The following LAMA5 variants were observed in gnomAD, a reference collection of about 807,000 sequenced individuals.
LAMA5 encodes the protein laminin subunit alpha-5.
LAMA5 carries 260 observed loss-of-function variants against 433.4 expected under a neutral mutation model. The ratio of observed to expected loss-of-function variants is 0.60; its 90% CI spans 0.54 to 0.66. LAMA5 has a LOEUF of 0.66. Ranked by LOEUF, LAMA5 falls within the 30% of genes least tolerant of loss-of-function variation. LAMA5 has a pLI of 0.00. For synonymous variants in LAMA5, 2,620 were observed against 2,226.6 expected, an observed-to-expected ratio of 1.18 and a Z score of -4.97; for missense variants, 5,378 against 5,258.5, an observed-to-expected ratio of 1.02 and a Z score of -0.70.
Position 62,316,963 on chromosome 20 carries a change from G to T in LAMA5, c.7572C>A (p.Ala2524=). 6.4e-7 allele frequency: 1 copy of T among 1,567,834 alleles called. No individual in the cohort carries two copies. The highest frequency in any genetic ancestry group is 1.2e-5 in the South Asian group (1 of 86,722). Residue 2524 remains alanine (A), a synonymous_variant, in exon 56 of 80, where the codon GCC becomes GCA. Transcript: ENST00000252999. ...LTQRAIEASN[A]YSRILQAVQA... ...GCACGGCCTGCAGGATGCGGCTGTA[G>T]GCGTTGGAGGCCTCGATGGCCCTCT...
rs1413114571 is a variant in LAMA5, at chr20:62,319,698, T to C, written c.6857A>G (p.Asp2286Gly). ...CTGGCCCCTACCGCTCAGGGTGCGG[T>C]CCACAGCCCGGATGGCCGCCAACAG... ...KTLLAAIRAV[D>G]RTLSELMSQT... The change falls in exon 51 of 80, where the codon GAC becomes GGC. Residue 2286 changes from aspartate to glycine, a missense_variant. Transcript: ENST00000252999. 2 of 1,543,562 alleles carry C rather than the reference T, an allele frequency of 1.3e-6. No homozygotes were observed. The highest frequency in any genetic ancestry group is 8.7e-7 in the Non-Finnish European group (1 of 1,146,184).
intron 60 of LAMA5, 26 bp from the exon 61 acceptor site, chr20:62,314,751 C>T (rs778159809): frequency 1.9e-6 from 3 of 1,612,486 alleles, no homozygotes; most frequent in South Asian, 1.1e-5. Context: ...CATCAGCGTC[C>T]ACCACCACCC....
chr20:62,339,129 G>A (rs977700640), intron 11 of LAMA5, among the ~76,000 whole-genome samples: 1 of 151,344 alleles, frequency 6.6e-6, no homozygotes, highest in Non-Finnish European at 1.5e-5. Flanking sequence ...CGCTTCATTA[G>A]TTATTTCTTA....
At chr20:62,336,988 T>A (rs1487327671) in intron 16 of LAMA5, 2 of 693,364 alleles carry the variant, frequency 2.9e-6, no homozygotes, top group African/African-American at 3.5e-5. Flanking sequence ...ACACAGCACC[T>A]GCTCATGGAC....
In LAMA5 at chr20:62,313,093, G is replaced by T; in HGVS notation, c.8950C>A (p.Gln2984Lys). The change falls in exon 65 of 80, where the codon CAG becomes AAG. Residue 2984 changes from glutamine (Q) to lysine (K), a missense_variant. Coordinates refer to ENST00000252999, the MANE Select transcript of LAMA5 (RefSeq NM_005560.6). ...GACGGGTGTGCCTGGCGCACCTGCT[G>T]CTTCAGGAAGAAGAGCACCCCGCTG... ...SYSGVLFFLK[Q>K]QSQFLCLAVQ... is the part of the protein sequence containing the mutation. 6.2e-7 allele frequency: 1 copy of T among 1,609,492 alleles called. No individual in the cohort carries two copies.
At chr20:62,337,266 C>CCACTTACGTGACACAGGCACCCA in intron 16 of LAMA5, among the ~76,000 whole-genome samples, 1 of 152,306 alleles carries the variant, frequency 6.6e-6, no homozygotes, top group African/African-American at 2.4e-5. Flanking sequence ...ACACACAAAC[C>CCACTTACGTGACACAGGCACCCA]CACTTACGTG....
At chr20:62,362,362 A>T in intron 2 of LAMA5, 38 bp downstream of exon 2, 1 of 1,434,084 alleles carries the variant, frequency 7.0e-7, no homozygotes, top group Non-Finnish European at 9.2e-7. Flanking sequence ...GCACAGACAC[A>T]GAGATGGGGG....
At position 62,337,871 on chromosome 20, in the gene LAMA5, G is replaced by A. The variant is rs1981948649; in HGVS notation, c.1959C>T (p.Arg653=). ...GGCAGGCAGTGCCTGTGTAGCCGGG[G>A]CGGCAGCGGCACAAACCTCCCGCCC... ...LCGAGGLCRC[R]PGYTGTACQE... The change falls in exon 15 of 80, where the codon CGC becomes CGT. Residue 653 remains arginine (R), a synonymous_variant. Coordinates refer to ENST00000252999, the MANE Select transcript of LAMA5 (RefSeq NM_005560.6). The A allele has an allele frequency of 6.2e-7, 1 of 1,612,606 alleles. No homozygotes were observed. The highest frequency in any genetic ancestry group is 1.3e-5 in the African/African-American group (1 of 75,058).
rs1028992826 is a variant in LAMA5, at chr20:62,347,096, C to T, written c.957-68G>A. 9.4e-6 allele frequency: 11 copies of T among 1,166,162 alleles called. No individual in the cohort carries two copies. The African/African-American group carries it at 1.3e-4, about 14-fold the overall frequency. 72.2% of individuals were successfully genotyped at this position (1,166,162 alleles called of 1,614,324 possible). ...CAGGTGGCAGGTGCTCAGTCCCTTC[C>T]CTGAAGGGGCCTGTGATCCCCTCGA... On this transcript the variant is annotated intron_variant, in intron 6 of 79. Coordinates refer to ENST00000252999, the MANE Select transcript of LAMA5 (RefSeq NM_005560.6).
Position 62,330,913 on chromosome 20 carries a change from G to A in LAMA5, c.3682C>T (p.Pro1228Ser). 1.9e-6 allele frequency: 3 copies of A among 1,549,038 alleles called. No homozygotes were observed. Among genetic ancestry groups the A allele is most frequent in the Non-Finnish European group, 2.6e-6 (3 of 1,146,654 alleles). The change falls in exon 30 of 80, where the codon CCG (proline) becomes TCG (serine). Residue 1228 changes from proline (P) to serine (S), a missense_variant. Transcript: ENST00000252999. The part of the protein sequence containing the change: ...AACLPSRFPK[P>S]PQPIILRDCQ... ...TCCCTGAGGATGATGGGCTGGGGCG[G>A]CTTTGGGAAGCGCGAGGGCAGACAG...
intron 9 of LAMA5, 93 bp from the exon 10 acceptor site, chr20:62,346,308 C>A: frequency 1.3e-6 from 2 of 1,486,616 alleles, no homozygotes. Context: ...CCAGCCAGGG[C>A]CATGGGGATG....
At position 62,338,030 on chromosome 20, in the gene LAMA5, A is replaced by G. The variant is rs1981975213; in HGVS notation, c.1877T>C (p.Phe626Ser). ...CDRCRPGYHGFPNCQACTCDP... is the reference protein window; with the variant it reads ...CDRCRPGYHGSPNCQACTCDP... ...CCTCTGCTCACCTTGGCAGTTGGGG[A>G]AACCATGGTAGCCAGGGCGGCACCG... The change falls in exon 14 of 80, where the codon TTC (phenylalanine) becomes TCC (serine). Residue 626 changes from phenylalanine (F) to serine (S), a missense_variant. Coordinates refer to ENST00000252999, the MANE Select transcript of LAMA5 (RefSeq NM_005560.6). 1 of 1,598,542 alleles carries G rather than the reference A, an allele frequency of 6.3e-7. No individual in the cohort carries two copies. The highest frequency in any genetic ancestry group is 8.5e-7 in the Non-Finnish European group (1 of 1,170,618).
intron 6 of LAMA5, among the ~76,000 whole-genome samples, chr20:62,347,352 G>A (rs548235423): frequency 6.6e-6 from 1 of 152,196 alleles, no homozygotes; most frequent in African/African-American, 2.4e-5. Context: ...CTAGGACAGG[G>A]CACCTCAGGG....
In LAMA5 at chr20:62,312,586, G is replaced by A. The variant is rs374148138; in HGVS notation, c.9227+46C>T. On this transcript the variant is annotated intron_variant, in intron 67 of 79. Transcript: ENST00000252999. ...GCGCCACCTCCAAGCCCAGCCTACCGCCCCAACAGCCTGGCCTCGGAGCCC... is the reference window on the plus strand; with the variant it reads ...GCGCCACCTCCAAGCCCAGCCTACCACCCCAACAGCCTGGCCTCGGAGCCC... 1,140 of 1,598,722 alleles carry A rather than the reference G, an allele frequency of 7.1e-4. 1 individual carries two copies. The highest frequency in any genetic ancestry group is 8.6e-4 in the Non-Finnish European group (1,012 of 1,176,730).
At position 62,335,225 on chromosome 20, in the gene LAMA5, A is replaced by G; in HGVS notation, c.2368T>C (p.Cys790Arg). Residue 790 changes from cysteine to arginine, a missense_variant, in exon 19 of 80, where the codon TGC becomes CGC. Cys to Arg is a radical substitution (Grantham distance 180). Transcript: ENST00000252999. ...LRGTLGGVAE[C>R]QPGTGQCFCK... ...TTGGTCCTCAGACTCACCGGCTGGC[A>G]CTCAGCAACTCCACCCAGTGTGCCC... 1 of 1,612,670 alleles carries G rather than the reference A, an allele frequency of 6.2e-7. No individual in the cohort carries two copies. Among genetic ancestry groups the G allele is most frequent in the East Asian group, 2.2e-5 (1 of 44,860 alleles).
chr20:62,331,333 G>A (rs1478407337), intron 28 of LAMA5, among the ~76,000 whole-genome samples: 2 of 144,160 alleles, frequency 1.4e-5, no homozygotes, highest in African/African-American at 5.4e-5. Flanking sequence ...GGTACGATGG[G>A]GGGGCCGGTC....
intron 5 of LAMA5, 38 bp downstream of exon 5, chr20:62,351,871 C>G: frequency 6.3e-7 from 1 of 1,577,416 alleles, no homozygotes. Flanking sequence ...GTCCACCCGG[C>G]CAGTCCCCCT....
Position 62,315,996 on chromosome 20 carries a change from G to A in LAMA5, c.7819C>T (p.Leu2607=). ...LRDVRAKKDQ[L]EAHIQAAQAM... is the part of the protein sequence containing the mutation. ...TGCGCCGCCTGGATGTGCGCCTCCAGCTGGTCCTTCTTGGCCCGGACATCT... is the reference window on the plus strand; with the variant it reads ...TGCGCCGCCTGGATGTGCGCCTCCAACTGGTCCTTCTTGGCCCGGACATCT... The change falls in exon 58 of 80, where the codon CTG becomes TTG. Residue 2607 remains leucine, a synonymous_variant. Transcript: ENST00000252999. 1 of 1,609,454 alleles carries A rather than the reference G, an allele frequency of 6.2e-7. No individual in the cohort carries two copies. Among genetic ancestry groups the A allele is most frequent in the Non-Finnish European group, 8.5e-7 (1 of 1,179,492 alleles).
In LAMA5 at chr20:62,318,666, G is replaced by T. The variant is rs1237933157; in HGVS notation, c.7043-16C>A. The T allele has an allele frequency of 1.2e-6, 2 of 1,607,304 alleles. No homozygotes were observed. The highest frequency in any genetic ancestry group is 1.7e-6 in the Non-Finnish European group (2 of 1,177,344). Reference sequence around the variant, plus strand: ...CGGGCCAGCACTAGCCGAGACCAGGGTGAGGGTGGTCACTCTGGAAGCCAG... The same window carrying T: ...CGGGCCAGCACTAGCCGAGACCAGGTTGAGGGTGGTCACTCTGGAAGCCAG... On this transcript the variant is annotated splice_polypyrimidine_tract_variant and intron_variant, in intron 52 of 79. Transcript: ENST00000252999.
Sources: gnomAD v4.1 joint callset for allele counts (sites outside exome capture counted in the v4.1 genomes callset) on GRCh38, gnomAD v4.1.1 for gene constraint, MANE v1.5 for transcripts, NCBI Gene and HGNC (gene_info 2026-07-23, HGNC 2026-07-21) for gene names.